The following FHIT variants were observed in gnomAD, a reference collection of about 807,000 sequenced individuals.
The protein encoded by FHIT is fragile histidine triad diadenosine triphosphatase.
A neutral mutation model predicts 17.9 loss-of-function variants in FHIT; 19 were observed. The observed-to-expected ratio is 1.06, with a 90% CI of 0.74 to 1.56. FHIT has a LOEUF of 1.56. FHIT is among the 40% of genes most tolerant of loss of function. The pLI is 0.00. For synonymous variants in FHIT, 81 were observed against 69.7 expected (o/e 1.16, Z -0.81); for missense variants, 248 against 189.2 (o/e 1.31, Z -1.82).
At chr3:60,512,114 C>T (rs181897000) in intron 5 of FHIT, among the ~76,000 whole-genome samples, 1 of 152,206 alleles carries the variant, frequency 6.6e-6, no homozygotes, top group African/African-American at 2.4e-5. Flanking sequence ...GCCAGAATCA[C>T]CAACAAATGC....
At chr3:60,683,712 G>C (rs2040802655) in intron 4 of FHIT, among the ~76,000 whole-genome samples, 1 of 152,114 alleles carries the variant, frequency 6.6e-6, no homozygotes, top group Non-Finnish European at 1.5e-5. Flanking sequence ...TTAAGTCTCA[G>C]TGTGACATTA....
chr3:59,990,505 C>A (rs554871223), intron 7 of FHIT, among the ~76,000 whole-genome samples: 4 of 152,006 alleles, frequency 2.6e-5, no homozygotes, highest in Admixed American at 6.6e-5. Flanking sequence ...GAGGGGAACC[C>A]GCTCTCACCA....
intron 4 of FHIT, among the ~76,000 whole-genome samples, chr3:60,789,644 A>C (rs2108116605): frequency 6.6e-6 from 1 of 152,312 alleles, no homozygotes; most frequent in South Asian, 2.1e-4. Context: ...CTGACATCTA[A>C]GTTCTTTGGA....
intron 3 of FHIT, among the ~76,000 whole-genome samples, chr3:61,027,455 A>G (rs2032792940): frequency 6.6e-6 from 1 of 152,260 alleles, no homozygotes; most frequent in African/African-American, 2.4e-5. Flanking sequence ...TGGAAACACT[A>G]CATAATAGAG....
At chr3:60,397,036 C>A (rs1277953961) in intron 5 of FHIT, among the ~76,000 whole-genome samples, 1 of 152,154 alleles carries the variant, frequency 6.6e-6, no homozygotes, top group Non-Finnish European at 1.5e-5. Context: ...ACCAGGCAAT[C>A]AAGCATTTTC....
In FHIT at chr3:59,922,391, G is replaced by A; in HGVS notation, c.303C>T (p.Pro101=). The A allele has an allele frequency of 6.2e-7, 1 of 1,613,842 alleles. No homozygotes were observed. Among genetic ancestry groups the A allele is most frequent in the African/African-American group, 1.3e-5 (1 of 74,970 alleles). The change falls in exon 8 of 10, where the codon CCC becomes CCT. Residue 101 remains proline (P), a synonymous_variant. Transcript: ENST00000492590. The part of the protein sequence containing the change: ...TVKHVHVHVL[P]RKAGDFHRND... ...TCCTGTGAAAGTCTCCAGCCTTCCT[G>A]GGAAGAACATGGACGTGAACGTGCT...
intron 4 of FHIT, among the ~76,000 whole-genome samples, chr3:60,777,393 A>G (rs2108087544): frequency 6.6e-6 from 1 of 152,356 alleles, no homozygotes; most frequent in South Asian, 2.1e-4. Flanking sequence ...ATTTTTCTGG[A>G]TGACGGTTGA....
intron 8 of FHIT, among the ~76,000 whole-genome samples, chr3:59,788,041 A>C (rs1479155668): frequency 2.0e-5 from 3 of 152,226 alleles, no homozygotes; most frequent in Non-Finnish European, 4.4e-5. Flanking sequence ...TGCCAATCAA[A>C]GTGTGACATT....
At chr3:61,012,081 C>T (rs1312120707) in intron 3 of FHIT, among the ~76,000 whole-genome samples, 1 of 152,168 alleles carries the variant, frequency 6.6e-6, no homozygotes, top group African/African-American at 2.4e-5. Context: ...GGAGGAAATA[C>T]ACTACTCAAA....
chr3:60,351,353 G>A (rs1263175221), intron 5 of FHIT, among the ~76,000 whole-genome samples: 1 of 152,120 alleles, frequency 6.6e-6, no homozygotes, highest in African/African-American at 2.4e-5. Context: ...TCATCTCACA[G>A]CAGCCCAATA....
chr3:61,056,342 G>A (rs2034220893), intron 2 of FHIT, among the ~76,000 whole-genome samples: 1 of 152,250 alleles, frequency 6.6e-6, no homozygotes, highest in Non-Finnish European at 1.5e-5. Flanking sequence ...TGAAGAGCAA[G>A]AGTGTTTATT....
chr3:60,162,609 T>C (rs965558356), intron 5 of FHIT, among the ~76,000 whole-genome samples: 1 of 152,198 alleles, frequency 6.6e-6, no homozygotes, highest in Non-Finnish European at 1.5e-5. Flanking sequence ...GTATATAGAC[T>C]TCATCTTATT....
intron 4 of FHIT, among the ~76,000 whole-genome samples, chr3:60,742,631 A>G (rs2108012026): frequency 6.6e-6 from 1 of 152,346 alleles, no homozygotes; most frequent in East Asian, 1.9e-4. Flanking sequence ...AGCAGGCTAC[A>G]ACCAGCATTC....
intron 4 of FHIT, among the ~76,000 whole-genome samples, chr3:60,624,118 T>C (rs1409003860): frequency 6.6e-6 from 1 of 152,106 alleles, no homozygotes; most frequent in East Asian, 1.9e-4. Context: ...CAAAAGTTAA[T>C]GAGGAGAGCA....
chr3:59,815,323 A>T (rs1700560280), intron 8 of FHIT, among the ~76,000 whole-genome samples: 1 of 152,182 alleles, frequency 6.6e-6, no homozygotes, highest in Admixed American at 6.5e-5. Context: ...CAGTGTGGAG[A>T]TTCCTTAAAT....
At chr3:60,990,269 C>T (rs1363364933) in intron 3 of FHIT, among the ~76,000 whole-genome samples, 3 of 152,106 alleles carry the variant, frequency 2.0e-5, no homozygotes, top group African/African-American at 2.4e-5. Context: ...GTGGCGAATG[C>T]GATATTACAG....
chr3:60,061,270 T>C (rs1171610365), intron 5 of FHIT, among the ~76,000 whole-genome samples: 1 of 152,226 alleles, frequency 6.6e-6, no homozygotes, highest in Admixed American at 6.5e-5. Flanking sequence ...ACAGTGAGAC[T>C]CTGGAGTAAG....
intron 8 of FHIT, 117 bp from the exon 9 acceptor site, chr3:59,752,438 A>G: frequency 1.6e-6 from 1 of 620,638 alleles, no homozygotes; most frequent in Non-Finnish European, 2.8e-6. Context: ...CAGTAGGTGT[A>G]TCTTTTAATT....
chr3:60,909,446 C>A (rs537399220), intron 3 of FHIT, among the ~76,000 whole-genome samples: 2 of 151,062 alleles, frequency 1.3e-5, no homozygotes, highest in South Asian at 4.2e-4. Context: ...CGTTGTGGAA[C>A]GGAAACATGT....
Sources: allele counts gnomAD v4.1 joint callset (sites outside exome capture counted in the v4.1 genomes callset), GRCh38; gene constraint gnomAD v4.1.1; transcripts MANE v1.5; gene names NCBI Gene and HGNC (gene_info 2026-07-23, HGNC 2026-07-21).